MAP3K20: variants seen among roughly 807,000 people sequenced by gnomAD.
MAP3K20 encodes mitogen-activated protein kinase kinase kinase 20, also known as HCCS-4.
A neutral mutation model predicts 85.7 loss-of-function variants in MAP3K20; 40 were observed. The observed-to-expected ratio is 0.47, with a 90% CI of 0.36 to 0.61. The LOEUF is 0.61. MAP3K20 is among the 20% of genes least tolerant of loss of function. The probability of loss-of-function intolerance (pLI) is 0.00; values close to 1 mark genes in which losing one functional copy is unlikely to be tolerated. For missense variants in MAP3K20, 817 were observed against 961.7 expected (o/e 0.85, Z 1.99); for synonymous variants, 325 against 327.7 (o/e 0.99, Z 0.09).
At chr2:173,133,038 A>T (rs1688661348) in intron 2 of MAP3K20, among the ~76,000 whole-genome samples, 1 of 152,180 alleles carries the variant, frequency 6.6e-6, no homozygotes, top group South Asian at 2.1e-4. Flanking sequence ...ATGTTTCTCT[A>T]CTTAAGTTGG....
chr2:173,261,119 G>A lies in MAP3K20; in HGVS notation c.1533G>A (p.Glu511=). Reference sequence around the variant, plus strand: ...GAATAGCAAAAAGTCAGACTGTGGAGTGCACTGTCACATATGAGGTAAGCT... The same window carrying A: ...GAATAGCAAAAAGTCAGACTGTGGAATGCACTGTCACATATGAGGTAAGCT... The part of the protein sequence containing the change: ...IVGIAKSQTV[E]CTVTYESDVR... Residue 511 remains glutamate (E), a synonymous_variant, in exon 18 of 20, where the codon GAG becomes GAA. Coordinates refer to ENST00000375213, the MANE Select transcript of MAP3K20 (RefSeq NM_016653.3). 2 of 1,613,688 alleles carry A rather than the reference G, an allele frequency of 1.2e-6. No homozygotes were observed. Among genetic ancestry groups the A allele is most frequent in the Non-Finnish European group, 1.7e-6 (2 of 1,179,664 alleles).
At position 173,219,839 on chromosome 2, in the gene MAP3K20, G is replaced by C. The variant is rs185649294; in HGVS notation, c.987+2589G>C. ...AACCCAGCACTTTGGGAGGCTGAGG[G>C]GGGTGGATCACGAGGTCAGGCGTTC... On this transcript the variant is annotated intron_variant, in intron 11 of 19. Coordinates refer to ENST00000375213, the MANE Select transcript of MAP3K20 (RefSeq NM_016653.3). 1.2e-4 allele frequency among the ~76,000 whole-genome samples: 18 copies of C among 152,016 alleles called. No individual in the cohort carries two copies. The South Asian group carries it at 2.5e-3, about 21-fold the overall frequency.
At chr2:173,181,515 A>G (rs1268440241) in intron 3 of MAP3K20, among the ~76,000 whole-genome samples, 1 of 152,196 alleles carries the variant, frequency 6.6e-6, no homozygotes, top group East Asian at 1.9e-4. Flanking sequence ...TACCATATGG[A>G]CCTGCAATAT....
rs1451528759 is a variant in MAP3K20 at position 173,247,509 on chromosome 2, T to C, written c.1359+8013T>C. 6.7e-5 allele frequency among the ~76,000 whole-genome samples: 10 copies of C among 148,934 alleles called. No individual in the cohort carries two copies. In the East Asian group the frequency reaches 2.0e-3, roughly 29 times the overall value. ...TATCTTGCGTTTATTAAAAATTAAG[T>C]GAAGGGAAGTTTATTTCCATGATCA... On this transcript the variant is annotated intron_variant, in intron 16 of 19. Transcript: ENST00000375213.
In MAP3K20 at chr2:173,172,986, C is replaced by T. The variant is rs138515454; in HGVS notation, c.247+3094C>T. Among the ~76,000 whole-genome samples the T allele has an allele frequency of 1.1e-4, 16 of 151,972 alleles. No individual in the cohort carries two copies. In the Middle Eastern group the frequency reaches 0.01, roughly 97 times the overall value. The stretch of plus-strand genomic sequence containing the variant: ...CTAATTTTTGTATTTTTAGTAGAGA[C>T]GGGGTTTCACCATGTTGGGCAGGAT... On this transcript the variant is annotated intron_variant, in intron 3 of 19. Coordinates refer to ENST00000375213, the MANE Select transcript of MAP3K20 (RefSeq NM_016653.3).
intron 16 of MAP3K20, among the ~76,000 whole-genome samples, chr2:173,240,019 G>A (rs11685001): frequency 0.34 from 52,058 of 152,086 alleles, 11,308 homozygotes; most frequent in Non-Finnish European, 0.49. Flanking sequence ...TAGAATTATA[G>A]TAGGTTTGTG....
At chr2:173,112,359 A>G (rs1574024385) in intron 2 of MAP3K20, among the ~76,000 whole-genome samples, 1 of 152,118 alleles carries the variant, frequency 6.6e-6, no homozygotes, top group African/African-American at 2.4e-5. Context: ...GCAAACAGTG[A>G]CAGTTTGACT....
intron 2 of MAP3K20, among the ~76,000 whole-genome samples, chr2:173,163,080 CA>C (rs1689711851): frequency 6.6e-6 from 1 of 152,176 alleles, no homozygotes; most frequent in South Asian, 2.1e-4. Flanking sequence ...ATATTTATCA[CA>C]AATACATATA....
intron 11 of MAP3K20, among the ~76,000 whole-genome samples, chr2:173,219,330 C>T (rs1684166926): frequency 6.6e-6 from 1 of 152,158 alleles, no homozygotes; most frequent in South Asian, 2.1e-4. Flanking sequence ...TTTCCTAAAA[C>T]TAAAACATTA....
chr2:173,162,434 C>A (rs1283107971), intron 2 of MAP3K20, among the ~76,000 whole-genome samples: 1 of 152,070 alleles, frequency 6.6e-6, no homozygotes, highest in Non-Finnish European at 1.5e-5. Flanking sequence ...ACCTGTAATC[C>A]CAGCACTTTT....
At chr2:173,242,335 A>G (rs545946125) in intron 16 of MAP3K20, among the ~76,000 whole-genome samples, 5 of 151,830 alleles carry the variant, frequency 3.3e-5, no homozygotes, top group African/African-American at 1.2e-4. Flanking sequence ...ACACCCAGCT[A>G]ATTTTGTATT....
chr2:173,169,852 T>G lies in MAP3K20; in HGVS notation c.207T>G (p.Tyr69Ter), dbSNP rs968086244. ...VLSHRNIIQF[Y>*]GVILEPPNYG... The stretch of plus-strand genomic sequence containing the variant: ...GTCACAGAAACATCATCCAGTTTTA[T>G]GGAGTAATTCTTGAACCTCCCAACT... Residue 69 changes from tyrosine to a stop codon, truncating the protein, a stop_gained, in exon 3 of 20, where the codon TAT (tyrosine) becomes TAG (stop). Coordinates refer to ENST00000375213, the MANE Select transcript of MAP3K20 (RefSeq NM_016653.3). LOFTEE classifies it high-confidence loss of function. 1 of 1,613,930 alleles carries G rather than the reference T, an allele frequency of 6.2e-7. No homozygotes were observed. Among genetic ancestry groups the G allele is most frequent in the African/African-American group, 1.3e-5 (1 of 74,948 alleles).
At chr2:173,079,895 T>C (rs1307890667) in intron 1 of MAP3K20, among the ~76,000 whole-genome samples, 2 of 152,098 alleles carry the variant, frequency 1.3e-5, no homozygotes, top group Admixed American at 6.6e-5. Context: ...ATTTTCTTTT[T>C]TTTTTTTTTA....
At position 173,227,556 on chromosome 2, in the gene MAP3K20, G is replaced by A. The variant is rs79250450; in HGVS notation, c.988-2133G>A. On this transcript the variant is annotated intron_variant, in intron 11 of 19. Coordinates refer to ENST00000375213, the MANE Select transcript of MAP3K20 (RefSeq NM_016653.3). ...TGCAAAGAATCCTGCTGGAGTGAGC[G>A]TCCAGCTGAAGCCAGTGCCTTTCCC... 3.8e-3 allele frequency among the ~76,000 whole-genome samples: 585 copies of A among 152,268 alleles called. 4 individuals are homozygous for A. The highest frequency in any genetic ancestry group is 0.012 in the African/African-American group (519 of 41,558).
At chr2:173,256,824 G>A (rs1216827901) in intron 16 of MAP3K20, among the ~76,000 whole-genome samples, 1 of 151,932 alleles carries the variant, frequency 6.6e-6, no homozygotes, top group Non-Finnish European at 1.5e-5. Context: ...GCAGACATCA[G>A]TATACTTCCT....
At position 173,082,760 on chromosome 2, in the gene MAP3K20, C is replaced by T. The variant is rs532477835; in HGVS notation, c.-35+6758C>T. 2.0e-5 allele frequency among the ~76,000 whole-genome samples: 3 copies of T among 152,378 alleles called. No homozygotes were observed. The East Asian group carries it at 5.8e-4, about 29-fold the overall frequency. On this transcript the variant is annotated intron_variant, in intron 1 of 19. Transcript: ENST00000375213. The stretch of plus-strand genomic sequence containing the variant: ...ATTCTCTTCCTCATGCTGCAAGAAG[C>T]TCCCAGCTACTCAACACAACAAGCC...
intron 2 of MAP3K20, among the ~76,000 whole-genome samples, chr2:173,115,213 G>C (rs1392859064): frequency 6.6e-6 from 1 of 152,090 alleles, no homozygotes; most frequent in Non-Finnish European, 1.5e-5. Context: ...AGAGTTTCCA[G>C]AGCATTTCAA....
At chr2:173,153,803 A>G (rs1689374695) in intron 2 of MAP3K20, among the ~76,000 whole-genome samples, 1 of 152,206 alleles carries the variant, frequency 6.6e-6, no homozygotes, top group Admixed American at 6.5e-5. Flanking sequence ...TGTATAAATC[A>G]TCTCTAATTA....
At chr2:173,162,545 G>C (rs1226233339) in intron 2 of MAP3K20, among the ~76,000 whole-genome samples, 1 of 152,044 alleles carries the variant, frequency 6.6e-6, no homozygotes, top group Admixed American at 6.5e-5. Flanking sequence ...AATTAGCCAG[G>C]TGTGGTGGTA....
Sources: allele counts gnomAD v4.1 joint callset (sites outside exome capture counted in the v4.1 genomes callset), GRCh38; gene constraint gnomAD v4.1.1; transcripts MANE v1.5; gene names NCBI Gene and HGNC (gene_info 2026-07-23, HGNC 2026-07-21).